PLD5: variants seen among roughly 807,000 people sequenced by gnomAD.
PLD5 encodes inactive phospholipase D5.
A neutral mutation model predicts 61.1 loss-of-function variants in PLD5; 36 were observed. The observed-to-expected ratio is 0.59, with a 90% CI of 0.45 to 0.78. The LOEUF (loss-of-function observed/expected upper bound fraction) is 0.78. Ranked by LOEUF, PLD5 falls within the 30% of genes least tolerant of loss-of-function variation. PLD5 has a pLI of 0.00. For synonymous variants in PLD5, 243 were observed against 242.8 expected (o/e 1.00, Z -0.01); for missense variants, 515 against 644.4 (o/e 0.80, Z 2.17).
intron 5 of PLD5, among the ~76,000 whole-genome samples, chr1:242,173,498 G>A (rs973541241): frequency 1.3e-5 from 2 of 152,138 alleles, no homozygotes; most frequent in African/African-American, 2.4e-5. Context: ...TAGATTCAAT[G>A]CCATCCCCAT....
chr1:242,530,132 G>A, the PLD5 span, among the ~76,000 whole-genome samples: 2,368 of 152,244 alleles, frequency 0.016, 67 homozygotes, highest in African/African-American at 0.055. Flanking sequence ...GACCTCAGGC[G>A]ATCCACCTGC....
intron 1 of PLD5, among the ~76,000 whole-genome samples, chr1:242,460,626 C>CACAT (rs1161689042): frequency 2.0e-5 from 3 of 151,640 alleles, no homozygotes; most frequent in South Asian, 2.1e-4. Flanking sequence ...ACACAAACAA[C>CACAT]ACATACATAC....
intron 1 of PLD5, among the ~76,000 whole-genome samples, chr1:242,517,861 A>C (rs1482480473): frequency 6.6e-6 from 1 of 152,180 alleles, no homozygotes; most frequent in African/African-American, 2.4e-5. Flanking sequence ...CACTCAGTAA[A>C]TATCTGGTGA....
intron 5 of PLD5, among the ~76,000 whole-genome samples, chr1:242,211,343 G>C (rs928429889): frequency 1.3e-5 from 2 of 152,168 alleles, no homozygotes; most frequent in Non-Finnish European, 2.9e-5. Context: ...AGTAGCTTGG[G>C]ACGCAGATAC....
At chr1:242,448,709 G>A (rs79824119) in intron 1 of PLD5, among the ~76,000 whole-genome samples, 21 of 152,200 alleles carry the variant, frequency 1.4e-4, no homozygotes, top group Non-Finnish European at 2.1e-4. Context: ...AAGACCTCAC[G>A]TTTACGTTAA....
At chr1:242,159,689 T>A (rs902843079) in intron 5 of PLD5, among the ~76,000 whole-genome samples, 1 of 152,114 alleles carries the variant, frequency 6.6e-6, no homozygotes, top group African/African-American at 2.4e-5. Context: ...CCAGCTTCAA[T>A]GGGTTTCTAC....
At chr1:242,107,095 G>A (rs375404399) in intron 8 of PLD5, among the ~76,000 whole-genome samples, 4 of 152,146 alleles carry the variant, frequency 2.6e-5, no homozygotes, top group African/African-American at 4.8e-5. Flanking sequence ...GCATCTGGGC[G>A]GGGGGTCTGT....
At chr1:242,450,167 G>A (rs910227371) in intron 1 of PLD5, among the ~76,000 whole-genome samples, 3 of 152,156 alleles carry the variant, frequency 2.0e-5, no homozygotes, top group African/African-American at 4.8e-5. Flanking sequence ...ATTTATCTCA[G>A]AAGAATTCAA....
chr1:242,278,032 C>A (rs1674508507), intron 3 of PLD5, among the ~76,000 whole-genome samples: 1 of 152,092 alleles, frequency 6.6e-6, no homozygotes, highest in African/African-American at 2.4e-5. Flanking sequence ...ATAATATGAG[C>A]CTATGTATAC....
chr1:242,113,957 C>T lies in PLD5; in HGVS notation c.1003G>A (p.Asp335Asn), dbSNP rs1661744448. The T allele has an allele frequency of 2.5e-6, 4 of 1,614,110 alleles. No homozygotes were observed. Among genetic ancestry groups the T allele is most frequent in the Non-Finnish European group, 3.4e-6 (4 of 1,179,988 alleles). ...DIDAIYSVID[D>N]AKQYVYIAVM... ...GCGATGTACACATACTGCTTGGCAT[C>T]ATCTATCACACTGTAGATGGCATCT... Residue 335 changes from aspartate (D) to asparagine (N), a missense_variant, in exon 7 of 10, where the codon GAT becomes AAT. Around this residue, in one of 2 missense-constraint regions of PLD5, gnomAD observed 450 missense variants for 598.1 expected, o/e 0.75. Coordinates refer to ENST00000536534, the MANE Select transcript of PLD5 (RefSeq NM_001372062.1).
At chr1:242,523,160 C>G (rs1669332696) in intron 1 of PLD5, among the ~76,000 whole-genome samples, 1 of 152,262 alleles carries the variant, frequency 6.6e-6, no homozygotes, top group Middle Eastern at 3.4e-3. Flanking sequence ...AGGAAACCTC[C>G]ACATTCCATT....
intron 1 of PLD5, among the ~76,000 whole-genome samples, chr1:242,421,499 C>T (rs1334807964): frequency 6.6e-6 from 1 of 152,176 alleles, no homozygotes; most frequent in African/African-American, 2.4e-5. Flanking sequence ...GGATACAGCA[C>T]ATACTACTGA....
chr1:242,449,206 C>T lies in PLD5; in HGVS notation c.189+74882G>A, dbSNP rs1055559147. On this transcript the variant is annotated intron_variant, in intron 1 of 9. Transcript: ENST00000536534. Reference sequence around the variant, plus strand: ...TCAGTGCTCTGGTGAAAAGAGTGTTCCTGCCCTTCTCATAAAAAAAGGACA... The same window carrying T: ...TCAGTGCTCTGGTGAAAAGAGTGTTTCTGCCCTTCTCATAAAAAAAGGACA... The T allele has an allele frequency of 4.6e-5, 44 of 947,016 alleles. No homozygotes were observed. In the Admixed American group the frequency reaches 9.0e-4, roughly 19 times the overall value. The allele number at this position is 947,016 out of a possible 1,614,324, so 58.7% of individuals were successfully genotyped here.
chr1:242,485,456 C>G (rs1667927400), intron 1 of PLD5, among the ~76,000 whole-genome samples: 1 of 152,166 alleles, frequency 6.6e-6, no homozygotes, highest in African/African-American at 2.4e-5. Flanking sequence ...AGTGAACTCT[C>G]ATCCACAATT....
At chr1:242,163,969 A>ATAAG (rs1425852884) in intron 5 of PLD5, among the ~76,000 whole-genome samples, 1 of 152,128 alleles carries the variant, frequency 6.6e-6, no homozygotes, top group African/African-American at 2.4e-5. Flanking sequence ...CCAGCTGTCT[A>ATAAG]TAAGTGATTT....
At position 242,274,428 on chromosome 1, in the gene PLD5, C is replaced by A. The variant is rs1674288899; in HGVS notation, c.496-8980G>T. ...AAAAGTCCTAAAGCCCAGTAAAATGCAGGCAAAGTATGAGAACAGTCAATG... is the reference window on the plus strand; with the variant it reads ...AAAAGTCCTAAAGCCCAGTAAAATGAAGGCAAAGTATGAGAACAGTCAATG... On this transcript the variant is annotated intron_variant, in intron 3 of 9. Coordinates refer to ENST00000536534, the MANE Select transcript of PLD5 (RefSeq NM_001372062.1). Among the ~76,000 whole-genome samples, 3 of 152,174 alleles carry A rather than the reference C, an allele frequency of 2.0e-5. No individual in the cohort carries two copies. In the South Asian group the frequency reaches 6.2e-4, roughly 31 times the overall value.
chr1:242,130,459 G>C (rs1467489993), intron 5 of PLD5, among the ~76,000 whole-genome samples: 1 of 152,174 alleles, frequency 6.6e-6, no homozygotes, highest in Admixed American at 6.5e-5. Flanking sequence ...GCTATGCGTA[G>C]ATACACAGTA....
At chr1:242,296,017 G>A (rs1056442790) in intron 2 of PLD5, among the ~76,000 whole-genome samples, 6 of 152,180 alleles carry the variant, frequency 3.9e-5, no homozygotes, top group African/African-American at 1.4e-4. Flanking sequence ...TATGAGCTGT[G>A]TGACCTTCAA....
intron 2 of PLD5, among the ~76,000 whole-genome samples, chr1:242,341,109 G>T (rs1017090698): frequency 6.6e-6 from 1 of 151,978 alleles, no homozygotes; most frequent in African/African-American, 2.4e-5. Flanking sequence ...GCTTGCTGTT[G>T]CCAAAAAGCA....
Sources: allele counts gnomAD v4.1 joint callset (sites outside exome capture counted in the v4.1 genomes callset), GRCh38; gene constraint gnomAD v4.1.1; regional missense constraint gnomAD v4.1.1; transcripts MANE v1.5; gene names NCBI Gene and HGNC (gene_info 2026-07-23, HGNC 2026-07-21).